The following GRID2 variants were observed in gnomAD, a reference collection of about 807,000 sequenced individuals.
GRID2 encodes the protein glutamate ionotropic receptor delta type subunit 2, also known as glutamate receptor ionotropic, delta-2.
Under a neutral mutation model 114.8 loss-of-function variants are expected in GRID2, and 33 were observed. That is an observed-to-expected ratio of 0.29 (90% CI 0.22 to 0.38). The LOEUF is 0.38. Among genes scored for constraint, GRID2 ranks in the 10% least tolerant of loss-of-function variants. The pLI is 1.00. For missense variants in GRID2, 1,184 were observed against 1,257.7 expected, an observed-to-expected ratio of 0.94 and a Z score of 0.89; for synonymous variants, 505 against 449.9, an observed-to-expected ratio of 1.12 and a Z score of -1.55.
At chr4:93,097,559 A>G (rs1285810192) in intron 3 of GRID2, among the ~76,000 whole-genome samples, 1 of 151,826 alleles carries the variant, frequency 6.6e-6, no homozygotes, top group Non-Finnish European at 1.5e-5. Flanking sequence ...CATTCAATCA[A>G]AATTTTGCAG....
intron 2 of GRID2, among the ~76,000 whole-genome samples, chr4:92,955,965 C>T (rs1010070297): frequency 1.2e-4 from 19 of 152,092 alleles, no homozygotes; most frequent in African/African-American, 4.3e-4. Context: ...GTGATCTGCC[C>T]ACTTCGGCCT....
intron 4 of GRID2, among the ~76,000 whole-genome samples, chr4:93,167,591 A>C (rs1738376516): frequency 6.6e-6 from 1 of 152,146 alleles, no homozygotes; most frequent in South Asian, 2.1e-4. Context: ...GAAAGGAAAT[A>C]AAAGAGTAAT....
chr4:92,507,415 T>TTGTGTGTGTG lies in GRID2; in HGVS notation c.89-82700_89-82691dup, dbSNP rs70940902. On this transcript the variant is annotated intron_variant, in intron 1 of 15. Transcript: ENST00000282020. ...TACTAATGTGCTTTCTCGTGTATAA[T>TTGTGTGTGTG]TGTGTGTGTGTGTGTGTGTGTGTGT... Among the ~76,000 whole-genome samples the TTGTGTGTGTG allele has an allele frequency of 1.8e-3, 270 of 149,348 alleles. 1 individual carries two copies. The highest frequency in any genetic ancestry group is 6.4e-3 in the African/African-American group (262 of 40,772).
intron 7 of GRID2, among the ~76,000 whole-genome samples, chr4:93,234,382 C>G (rs1746511379): frequency 6.6e-6 from 1 of 151,972 alleles, no homozygotes; most frequent in Non-Finnish European, 1.5e-5. Flanking sequence ...ATACGAGACA[C>G]AAGATGAAGG....
chr4:92,962,894 G>C (rs897024946), intron 2 of GRID2, among the ~76,000 whole-genome samples: 1 of 151,904 alleles, frequency 6.6e-6, no homozygotes, highest in Non-Finnish European at 1.5e-5. Flanking sequence ...CCTTACAGGC[G>C]TATCTTGCCT....
intron 1 of GRID2, among the ~76,000 whole-genome samples, chr4:92,503,570 A>G (rs544464855): frequency 6.6e-6 from 1 of 152,262 alleles, no homozygotes; most frequent in African/African-American, 2.4e-5. Flanking sequence ...CATGATCCTT[A>G]TAGCTGTGCT....
intron 1 of GRID2, among the ~76,000 whole-genome samples, chr4:92,395,111 T>A (rs754208790): frequency 1.3e-5 from 2 of 151,638 alleles, no homozygotes; most frequent in Non-Finnish European, 3.0e-5. Flanking sequence ...TTCTTTAAAA[T>A]ATTTTGTGTA....
chr4:93,245,842 A>C lies in GRID2; in HGVS notation c.1245+7352A>C, dbSNP rs564678353. 3.3e-5 allele frequency among the ~76,000 whole-genome samples: 5 copies of C among 152,348 alleles called. No individual in the cohort carries two copies. In the South Asian group the frequency reaches 6.2e-4, roughly 19 times the overall value. On this transcript the variant is annotated intron_variant, in intron 8 of 15. Coordinates refer to ENST00000282020, the MANE Select transcript of GRID2 (RefSeq NM_001510.4). ...AAATTATGTTTGTAGGTTACACAATAAGGGAAAATTAAAATAATACCTGTT... is the reference window on the plus strand; with the variant it reads ...AAATTATGTTTGTAGGTTACACAATCAGGGAAAATTAAAATAATACCTGTT...
intron 1 of GRID2, among the ~76,000 whole-genome samples, chr4:92,435,782 G>A (rs553554065): frequency 7.8e-4 from 119 of 152,292 alleles, no homozygotes; most frequent in Non-Finnish European, 1.2e-3. Flanking sequence ...ATTGATTCTG[G>A]AATTGTCTGC....
intron 1 of GRID2, among the ~76,000 whole-genome samples, chr4:92,498,058 C>A (rs1417402938): frequency 2.0e-5 from 3 of 150,976 alleles, no homozygotes; most frequent in Admixed American, 2.0e-4. Flanking sequence ...CTTCATTGCT[C>A]AAAATAAAAT....
At chr4:93,295,236 G>A (rs185626718) in intron 8 of GRID2, among the ~76,000 whole-genome samples, 13 of 152,256 alleles carry the variant, frequency 8.5e-5, no homozygotes, top group African/African-American at 3.1e-4. Context: ...AATAAATCAT[G>A]GAGTGAGTGA....
chr4:93,062,354 A>G (rs1415022681), intron 2 of GRID2, among the ~76,000 whole-genome samples: 1 of 152,122 alleles, frequency 6.6e-6, no homozygotes, highest in African/African-American at 2.4e-5. Flanking sequence ...AAGAAGAGGA[A>G]GAGAAGTAAT....
chr4:92,628,207 C>A (rs992511530), intron 2 of GRID2, among the ~76,000 whole-genome samples: 7 of 152,112 alleles, frequency 4.6e-5, no homozygotes, highest in Non-Finnish European at 8.8e-5. Context: ...GGAGAAGGTG[C>A]CTGTTTCCTT....
chr4:92,513,985 G>GT (rs1301354601), intron 1 of GRID2, among the ~76,000 whole-genome samples: 1 of 151,866 alleles, frequency 6.6e-6, no homozygotes, highest in Admixed American at 6.6e-5. Flanking sequence ...GACCTAAGCT[G>GT]TATTTTCATT....
At chr4:93,729,436 G>A (rs1323128293) in intron 14 of GRID2, among the ~76,000 whole-genome samples, 1 of 152,030 alleles carries the variant, frequency 6.6e-6, no homozygotes, top group East Asian at 1.9e-4. Context: ...CTCCAACAGT[G>A]TCGTATGTCT....
chr4:93,627,751 T>G (rs1032097764), intron 14 of GRID2, among the ~76,000 whole-genome samples: 3 of 152,228 alleles, frequency 2.0e-5, no homozygotes, highest in Non-Finnish European at 4.4e-5. Flanking sequence ...GTGCCTCCTG[T>G]GTTTCTTGCT....
intron 2 of GRID2, among the ~76,000 whole-genome samples, chr4:92,860,483 G>C (rs1272005033): frequency 6.6e-6 from 1 of 152,124 alleles, no homozygotes; most frequent in Non-Finnish European, 1.5e-5. Flanking sequence ...TACAATGATA[G>C]ATTTGATGGC....
Position 92,470,011 on chromosome 4 carries a change from A to AT in GRID2, c.89-120114dup, listed in dbSNP as rs539413636. Reference sequence around the variant, plus strand: ...AAGTTATCCTATACAGACATGAAATATTTTTTGTATTATATAACAAACCCT... The same window carrying AT: ...AAGTTATCCTATACAGACATGAAATATTTTTTTGTATTATATAACAAACCCT... On this transcript the variant is annotated intron_variant, in intron 1 of 15. Transcript: ENST00000282020. Among the ~76,000 whole-genome samples the AT allele has an allele frequency of 7.8e-4, 118 of 152,038 alleles. 1 individual carries two copies. The highest frequency in any genetic ancestry group is 2.7e-3 in the African/African-American group (112 of 41,540).
intron 1 of GRID2, among the ~76,000 whole-genome samples, chr4:92,441,996 C>G (rs532054308): frequency 2.4e-4 from 36 of 151,712 alleles, no homozygotes; most frequent in South Asian, 1.5e-3. Flanking sequence ...AGAGTATTGT[C>G]TAAGTTGGCA....
Sources: allele counts gnomAD v4.1 joint callset (sites outside exome capture counted in the v4.1 genomes callset), GRCh38; gene constraint gnomAD v4.1.1; transcripts MANE v1.5; gene names NCBI Gene and HGNC (gene_info 2026-07-23, HGNC 2026-07-21).